Variants in YTHDF2 observed in about 807,000 individuals in gnomAD.
YTHDF2 encodes the protein YTH N6-methyladenosine RNA binding protein F2.
A neutral mutation model predicts 50.4 loss-of-function variants in YTHDF2; 2 were observed. The ratio of observed to expected loss-of-function variants is 0.04; its 90% CI spans 0.02 to 0.12. The LOEUF (loss-of-function observed/expected upper bound fraction) is 0.12. Among genes scored for constraint, YTHDF2 ranks in the 10% least tolerant of loss-of-function variants. The probability of loss-of-function intolerance (pLI) is 1.00; values close to 1 mark genes in which losing one functional copy is unlikely to be tolerated. For missense variants in YTHDF2, 483 were observed against 722.6 expected (o/e 0.67, Z 3.80); for synonymous variants, 217 against 255.6 (o/e 0.85, Z 1.44).
At chr1:28,758,933 A>G (rs1271229059) in intron 4 of YTHDF2, among the ~76,000 whole-genome samples, 1 of 152,248 alleles carries the variant, frequency 6.6e-6, no homozygotes. Context: ...AAGTTTAAAA[A>G]ATACATTGAT....
chr1:28,749,730 G>T (rs1454563233), intron 4 of YTHDF2, among the ~76,000 whole-genome samples: 1 of 149,348 alleles, frequency 6.7e-6, no homozygotes, highest in South Asian at 2.2e-4. Context: ...TGATGGAGCC[G>T]TGGGAGACAA....
At chr1:28,756,942 TC>T (rs2088043887) in intron 4 of YTHDF2, among the ~76,000 whole-genome samples, 1 of 152,214 alleles carries the variant, frequency 6.6e-6, no homozygotes, top group African/African-American at 2.4e-5. Flanking sequence ...ATCATTGAAA[TC>T]CTGTAAGTCT....
At chr1:28,750,232 G>A (rs1310044983) in intron 4 of YTHDF2, among the ~76,000 whole-genome samples, 4 of 151,834 alleles carry the variant, frequency 2.6e-5, no homozygotes, top group African/African-American at 7.3e-5. Flanking sequence ...TTTGTGATCC[G>A]CCTGGCTTGG....
In YTHDF2 at chr1:28,742,700, A is replaced by C. The variant is rs763496880; in HGVS notation, c.430A>C (p.Thr144Pro). The C allele has an allele frequency of 3.1e-6, 5 of 1,614,096 alleles. No individual in the cohort carries two copies. The highest frequency in any genetic ancestry group is 3.4e-6 in the Non-Finnish European group (4 of 1,180,020). The change falls in exon 4 of 5, where the codon ACT (threonine) becomes CCT (proline). Residue 144 changes from threonine to proline, a missense_variant. By Grantham distance (38) the Thr-to-Pro change is conservative. Coordinates refer to ENST00000373812, the MANE Select transcript of YTHDF2 (RefSeq NM_016258.3). ...WGNNSSQGQS[T>P]QSSGYSSNYA... ...AAATAACAGTTCTCAGGGACAGTCTACTCAGAGCTCTGGATATAGTAGCAA... is the reference window on the plus strand; with the variant it reads ...AAATAACAGTTCTCAGGGACAGTCTCCTCAGAGCTCTGGATATAGTAGCAA...
intron 3 of YTHDF2, chr1:28,740,257 A>G (rs1172693774): frequency 1.3e-5 from 2 of 152,198 alleles, no homozygotes; most frequent in African/African-American, 4.8e-5. Flanking sequence ...TAGAAGCATA[A>G]TTCTAGGTAG....
chr1:28,764,212 A>G (rs1381141973), intron 4 of YTHDF2, among the ~76,000 whole-genome samples: 3 of 151,448 alleles, frequency 2.0e-5, no homozygotes, highest in East Asian at 2.0e-4. Flanking sequence ...CGGCCTCCCA[A>G]AGTGCTGGGA....
intron 3 of YTHDF2, among the ~76,000 whole-genome samples, chr1:28,738,539 G>A (rs1333355945): frequency 1.3e-5 from 2 of 152,148 alleles, no homozygotes; most frequent in African/African-American, 4.8e-5. Context: ...CCGCCTCTCG[G>A]GTTCAAGCGA....
Position 28,737,696 on chromosome 1 carries a change from C to T in YTHDF2, c.52+14C>T. The T allele has an allele frequency of 6.2e-7, 1 of 1,613,482 alleles. No homozygotes were observed. The highest frequency in any genetic ancestry group is 8.5e-7 in the Non-Finnish European group (1 of 1,179,762). The stretch of plus-strand genomic sequence containing the variant: ...AAGGAAACAAAGGTAAGTCCCGCTC[C>T]GCCGGTGGCCCTGAGCCGGGAGGGG... On this transcript the variant is annotated intron_variant, in intron 2 of 4. Transcript: ENST00000373812.
At position 28,768,952 on chromosome 1, in the gene YTHDF2, A is replaced by G. The variant is rs1207138713; in HGVS notation, c.1740A>G (p.Ter580=). The G allele has an allele frequency of 1.3e-6, 2 of 1,593,244 alleles. No individual in the cohort carries two copies. Among genetic ancestry groups the G allele is most frequent in the Non-Finnish European group, 1.7e-6 (2 of 1,169,052 alleles). ...AGGAACGTCAAGGTCGTGGGAAATA[A>G]AAGGCAGTTCTACACAGACTGCAGC... ...VKKERQGRGK[*] is the part of the protein sequence containing the mutation. Residue 580 remains the stop codon, a stop_retained_variant, in exon 5 of 5, where the codon TAA becomes TAG. Transcript: ENST00000373812.
chr1:28,755,496 CAGAA>C (rs1171374079), intron 4 of YTHDF2, among the ~76,000 whole-genome samples: 1 of 152,154 alleles, frequency 6.6e-6, no homozygotes, highest in African/African-American at 2.4e-5. Context: ...CATTAAAACA[CAGAA>C]AAGAGTAAAT....
At chr1:28,752,409 C>T (rs1450177821) in intron 4 of YTHDF2, among the ~76,000 whole-genome samples, 2 of 152,096 alleles carry the variant, frequency 1.3e-5, no homozygotes, top group African/African-American at 4.8e-5. Context: ...TTCAGGGCTG[C>T]CTCAGCCTCC....
rs774918862 is a variant in YTHDF2 at position 28,743,176 on chromosome 1, G to A, written c.906G>A (p.Gly302=). 5 of 1,614,114 alleles carry A rather than the reference G, an allele frequency of 3.1e-6. No homozygotes were observed. Among genetic ancestry groups the A allele is most frequent in the East Asian group, 2.2e-5 (1 of 44,884 alleles). Residue 302 remains glycine (G), a synonymous_variant, in exon 4 of 5, where the codon GGG becomes GGA. Transcript: ENST00000373812. The surrounding 1 kb of genome is among the most constrained non-coding windows in gnomAD (Gnocchi z 6.9). Reference sequence around the variant, plus strand: ...AGAATATAGGTCAGCCAACCCAGGGGTCTCCTCAGCCTGTAGGTCAGCAGG... The same window carrying A: ...AGAATATAGGTCAGCCAACCCAGGGATCTCCTCAGCCTGTAGGTCAGCAGG... ...LVQNIGQPTQ[G]SPQPVGQQAN... is the part of the protein sequence containing the mutation.
intron 4 of YTHDF2, among the ~76,000 whole-genome samples, chr1:28,766,180 CTGCTGCCT>C (rs1291387695): frequency 2.6e-5 from 4 of 152,212 alleles, no homozygotes; most frequent in Non-Finnish European, 4.4e-5. Flanking sequence ...TCATGGCTCA[CTGCTGCCT>C]TCATCTCCCC....
Position 28,743,816 on chromosome 1 carries a change from G to C in YTHDF2, c.1546G>C (p.Glu516Gln). 6.2e-7 allele frequency: 1 copy of C among 1,613,924 alleles called. No individual in the cohort carries two copies. The highest frequency in any genetic ancestry group is 8.5e-7 in the Non-Finnish European group (1 of 1,179,890). The change falls in exon 4 of 5, where the codon GAG becomes CAG. Residue 516 changes from glutamate (E) to glutamine (Q), a missense_variant. Around this residue, in one of 4 missense-constraint regions of YTHDF2, gnomAD observed 59 missense variants for 168.9 expected, o/e 0.35. Coordinates refer to ENST00000373812, the MANE Select transcript of YTHDF2 (RefSeq NM_016258.3). This position sits in a 1 kb window ranked among gnomAD's most constrained non-coding sequence, Gnocchi z 6.9. ...PNSQLRHIRL[E>Q]NNENKPVTNS... ...TAGCCAACTGCGACACATTCGCCTA[G>C]AGAACAACGAGAATAAACCAGTGAC...
At chr1:28,741,114 T>C (rs963126586) in intron 3 of YTHDF2, among the ~76,000 whole-genome samples, 1 of 151,300 alleles carries the variant, frequency 6.6e-6, no homozygotes, top group Non-Finnish European at 1.5e-5. Context: ...TCTCCCACCT[T>C]AGCCTCCTGA....
chr1:28,763,355 C>G (rs1034011676), intron 4 of YTHDF2, among the ~76,000 whole-genome samples: 2 of 151,796 alleles, frequency 1.3e-5, no homozygotes, highest in African/African-American at 4.8e-5. Context: ...CTCGCTGCAA[C>G]CTCTGCCCCC....
upstream of YTHDF2, chr1:28,736,936 G>A (rs889267319): frequency 2.9e-6 from 2 of 682,680 alleles, no homozygotes; most frequent in African/African-American, 3.8e-5. Context: ...TGAGCTCTTG[G>A]GCTAGAGCGT....
intron 4 of YTHDF2, 110 bp from the exon 5 acceptor site, chr1:28,768,818 TA>T: frequency 2.3e-6 from 2 of 860,182 alleles, no homozygotes; most frequent in South Asian, 2.2e-5. Flanking sequence ...ATTAATTTTC[TA>T]ATAATTCTAA....
chr1:28,757,068 C>T (rs888552894), intron 4 of YTHDF2, among the ~76,000 whole-genome samples: 2 of 152,146 alleles, frequency 1.3e-5, no homozygotes, highest in Non-Finnish European at 2.9e-5. Flanking sequence ...AATTCTAGTT[C>T]CAGTGGGCCC....
Sources: allele counts gnomAD v4.1 joint callset (sites outside exome capture counted in the v4.1 genomes callset), GRCh38; gene constraint gnomAD v4.1.1; regional missense constraint gnomAD v4.1.1; non-coding constraint Gnocchi (gnomAD v3.1); transcripts MANE v1.5; gene names NCBI Gene and HGNC (gene_info 2026-07-23, HGNC 2026-07-21).